SUPT3H: variants seen among roughly 807,000 people sequenced by gnomAD.
The protein encoded by SUPT3H is transcription initiation protein SPT3 homolog.
In SUPT3H, 44 loss-of-function variants were observed where a neutral mutation model predicts 44.3. The ratio of observed to expected loss-of-function variants is 0.99; its 90% CI spans 0.78 to 1.28. SUPT3H has a LOEUF of 1.28. SUPT3H is among the 50% of genes most tolerant of loss of function. The probability of loss-of-function intolerance (pLI) is 0.00; values close to 1 mark genes in which losing one functional copy is unlikely to be tolerated. For synonymous variants in SUPT3H, 124 were observed against 125.6 expected, an observed-to-expected ratio of 0.99 and a Z score of 0.09; for missense variants, 380 against 387.1, an observed-to-expected ratio of 0.98 and a Z score of 0.15.
At chr6:45,200,651 A>G (rs1454590412) in intron 2 of SUPT3H, among the ~76,000 whole-genome samples, 1 of 151,524 alleles carries the variant, frequency 6.6e-6, no homozygotes, top group African/African-American at 2.4e-5. Flanking sequence ...TGAAGCTCAT[A>G]GGGGTTAAGC....
intron 2 of SUPT3H, among the ~76,000 whole-genome samples, chr6:45,241,681 C>T (rs1273500325): frequency 6.6e-6 from 1 of 151,900 alleles, no homozygotes; most frequent in Non-Finnish European, 1.5e-5. Context: ...AGGGTCTCCA[C>T]GATCAAGCTG....
At chr6:44,977,350 T>C (rs1343203416) in intron 6 of SUPT3H, among the ~76,000 whole-genome samples, 1 of 152,216 alleles carries the variant, frequency 6.6e-6, no homozygotes, top group African/African-American at 2.4e-5. Flanking sequence ...CTTATTTACA[T>C]GTTTATCCAC....
rs182956521 is a variant in SUPT3H at position 45,061,286 on chromosome 6, G to A, written c.187-40654C>T. Among the ~76,000 whole-genome samples the A allele has an allele frequency of 1.5e-3, 233 of 152,272 alleles. 3 individuals are homozygous for A. The highest frequency in any genetic ancestry group is 5.5e-3 in the African/African-American group (227 of 41,568). ...CTGCCATAAAAAGGAATAAGATCAT[G>A]TCCTTTGCAGGGACATAGATGGAGC... On this transcript the variant is annotated intron_variant, in intron 3 of 10. Coordinates refer to ENST00000371459, the MANE Select transcript of SUPT3H (RefSeq NM_003599.4).
intron 2 of SUPT3H, among the ~76,000 whole-genome samples, chr6:45,217,077 C>T (rs1226369277): frequency 6.6e-6 from 1 of 152,028 alleles, no homozygotes. Flanking sequence ...TTAAATATTG[C>T]TCAATGCCCC....
chr6:45,320,773 T>C (rs935108750), intron 2 of SUPT3H, among the ~76,000 whole-genome samples: 1 of 152,184 alleles, frequency 6.6e-6, no homozygotes, highest in Non-Finnish European at 1.5e-5. Flanking sequence ...TCAACTAGTA[T>C]AACACAAATT....
intron 7 of SUPT3H, among the ~76,000 whole-genome samples, chr6:44,959,624 T>C (rs1198000388): frequency 6.6e-6 from 1 of 152,140 alleles, no homozygotes; most frequent in Non-Finnish European, 1.5e-5. Context: ...AATATTAATA[T>C]CAGATTTTAA....
In SUPT3H at chr6:44,939,095, C is replaced by CA. The variant is rs1237497563; in HGVS notation, c.802-6333dup. On this transcript the variant is annotated intron_variant, in intron 9 of 10. Coordinates refer to ENST00000371459, the MANE Select transcript of SUPT3H (RefSeq NM_003599.4). The stretch of plus-strand genomic sequence containing the variant: ...GCTTTATTGTTCTGGTTAGGACTTC[C>CA]AGTACTATGTTGAATAGGAGTGGTT... Among the ~76,000 whole-genome samples, 23 of 152,066 alleles carry CA rather than the reference C, an allele frequency of 1.5e-4. 1 individual carries two copies. The highest frequency in any genetic ancestry group is 6.2e-4 in the South Asian group (3 of 4,828).
intron 1 of SUPT3H, among the ~76,000 whole-genome samples, chr6:45,365,613 AAAT>A (rs1275214014): frequency 1.3e-5 from 2 of 149,414 alleles, no homozygotes; most frequent in Non-Finnish European, 3.0e-5. Context: ...TTGGTTTTCA[AAAT>A]GTGCTTCAGG....
At chr6:45,214,014 G>GAAAAAAAA (rs1347931829) in intron 2 of SUPT3H, among the ~76,000 whole-genome samples, 2 of 7,994 alleles carry the variant, frequency 2.5e-4, no homozygotes, top group Non-Finnish European at 5.6e-4. Flanking sequence ...ATTTTGAAAT[G>GAAAAAAAA]CAAAAAAAAA....
At chr6:45,138,605 CTGTGTG>C (rs140485778) in intron 2 of SUPT3H, among the ~76,000 whole-genome samples, 2 of 151,430 alleles carry the variant, frequency 1.3e-5, no homozygotes, top group Non-Finnish European at 3.0e-5. Flanking sequence ...GGAAAATACT[CTGTGTG>C]TGTGTGTGTC....
At chr6:44,868,122 T>C (rs1034531183) in intron 10 of SUPT3H, among the ~76,000 whole-genome samples, 1 of 152,226 alleles carries the variant, frequency 6.6e-6, no homozygotes, top group Non-Finnish European at 1.5e-5. Flanking sequence ...CCCATGTGTA[T>C]TTCAAAGGAA....
intron 9 of SUPT3H, among the ~76,000 whole-genome samples, chr6:44,943,195 T>A (rs76606944): frequency 6.6e-6 from 1 of 150,580 alleles, no homozygotes; most frequent in African/African-American, 2.4e-5. Flanking sequence ...CTATAAAAAA[T>A]CAAATAGAAA....
chr6:45,302,558 C>CATAT lies in SUPT3H; in HGVS notation c.101+62642_101+62643insATAT, dbSNP rs1562914804. ...ATATATATATATATATATATATATG[C>CATAT]ATGCCACAATTTATTTATCTACTTA... On this transcript the variant is annotated intron_variant, in intron 2 of 10. Transcript: ENST00000371459. Among the ~76,000 whole-genome samples the CATAT allele has an allele frequency of 4.6e-3, 337 of 73,672 alleles. 9 individuals carry two copies. Among genetic ancestry groups the CATAT allele is most frequent in the South Asian group, 0.012 (25 of 2,170 alleles). 48.3% of individuals were successfully genotyped at this position (73,672 alleles called of 152,430 possible).
intron 2 of SUPT3H, among the ~76,000 whole-genome samples, chr6:45,228,018 A>T (rs999854070): frequency 1.3e-5 from 2 of 152,240 alleles, no homozygotes; most frequent in African/African-American, 4.8e-5. Context: ...TCTGTTGCCA[A>T]TATGAAAACA....
intron 11 of SUPT3H, among the ~76,000 whole-genome samples, chr6:44,817,572 C>T (rs528201254): frequency 1.4e-4 from 22 of 151,924 alleles, no homozygotes; most frequent in South Asian, 4.2e-4. Flanking sequence ...TAGAAAATCC[C>T]GAAGAAACTA....
intron 1 of SUPT3H, among the ~76,000 whole-genome samples, chr6:45,365,551 T>C (rs1794985146): frequency 6.6e-6 from 1 of 151,474 alleles, no homozygotes; most frequent in Non-Finnish European, 1.5e-5. Context: ...GCACCTATTT[T>C]ACAATAGGTA....
At chr6:45,308,156 G>A (rs1783374556) in intron 2 of SUPT3H, among the ~76,000 whole-genome samples, 1 of 152,158 alleles carries the variant, frequency 6.6e-6, no homozygotes, top group South Asian at 2.1e-4. Flanking sequence ...AAAGTGACAG[G>A]GAGAATGGAA....
At chr6:44,947,766 A>C (rs1345088458) in intron 9 of SUPT3H, among the ~76,000 whole-genome samples, 1 of 152,210 alleles carries the variant, frequency 6.6e-6, no homozygotes, top group Non-Finnish European at 1.5e-5. Flanking sequence ...TCTTTCAGCA[A>C]ATAGTTCTGC....
At chr6:45,174,529 G>C (rs562016177) in intron 2 of SUPT3H, among the ~76,000 whole-genome samples, 1 of 152,252 alleles carries the variant, frequency 6.6e-6, no homozygotes, top group South Asian at 2.1e-4. Flanking sequence ...AGGTGAATAA[G>C]AGAAAAATTG....
Sources: gnomAD v4.1 joint callset for allele counts (sites outside exome capture counted in the v4.1 genomes callset) on GRCh38, gnomAD v4.1.1 for gene constraint, MANE v1.5 for transcripts, NCBI Gene and HGNC (gene_info 2026-07-23, HGNC 2026-07-21) for gene names.